The following NWD2 variants were observed in gnomAD, a reference collection of about 807,000 sequenced individuals.
The protein encoded by NWD2 is NACHT and WD repeat domain containing 2.
Under a neutral mutation model 132.7 loss-of-function variants are expected in NWD2, and 37 were observed. The ratio of observed to expected loss-of-function variants is 0.28; its 90% CI spans 0.21 to 0.37. The LOEUF is 0.37. Among genes scored for constraint, NWD2 ranks in the 10% least tolerant of loss-of-function variants. The pLI is 1.00. For missense variants in NWD2, 1,592 were observed against 2,122.4 expected, an observed-to-expected ratio of 0.75 and a Z score of 4.91; for synonymous variants, 705 against 803.0, an observed-to-expected ratio of 0.88 and a Z score of 2.06.
chr4:37,353,530 G>A (rs1719812390), intron 2 of NWD2, among the ~76,000 whole-genome samples: 1 of 152,036 alleles, frequency 6.6e-6, no homozygotes, highest in Admixed American at 6.6e-5. Context: ...TTTCTTGGAA[G>A]CTTTGTTTGT....
intron 1 of NWD2, among the ~76,000 whole-genome samples, chr4:37,323,909 G>A (rs551454456): frequency 6.7e-6 from 1 of 149,744 alleles, no homozygotes; most frequent in South Asian, 2.1e-4. Flanking sequence ...TGCAGCTAGA[G>A]GCCATAGGCC....
At chr4:37,357,083 T>C (rs756742177) in intron 3 of NWD2, among the ~76,000 whole-genome samples, 26 of 152,170 alleles carry the variant, frequency 1.7e-4, no homozygotes, top group Admixed American at 7.9e-4. Flanking sequence ...TCCTCTGTGT[T>C]AGCACGGTGG....
intron 1 of NWD2, among the ~76,000 whole-genome samples, chr4:37,280,025 TAG>T (rs1490102859): frequency 6.6e-6 from 1 of 152,188 alleles, no homozygotes; most frequent in Non-Finnish European, 1.5e-5. Context: ...CACTTGTTTT[TAG>T]AGTTTTCCCT....
intron 1 of NWD2, among the ~76,000 whole-genome samples, chr4:37,291,806 A>G (rs1013673485): frequency 1.3e-5 from 2 of 152,208 alleles, no homozygotes; most frequent in African/African-American, 4.8e-5. Flanking sequence ...ATATACATCC[A>G]CAAATATATG....
At chr4:37,276,006 A>T (rs781063361) in intron 1 of NWD2, among the ~76,000 whole-genome samples, 4 of 152,158 alleles carry the variant, frequency 2.6e-5, no homozygotes, top group Non-Finnish European at 5.9e-5. Context: ...CTAGAAGAAA[A>T]CATAGGCAAT....
chr4:37,439,142 A>C lies in NWD2; in HGVS notation c.1048A>C (p.Met350Leu). The change falls in exon 6 of 7, where the codon ATG becomes CTG. Residue 350 changes from methionine (M) to leucine (L), a missense_variant. Physicochemically the swap from Met to Leu is conservative, Grantham distance 15. Transcript: ENST00000309447. The surrounding 1 kb of genome is among the most constrained non-coding windows in gnomAD (Gnocchi z 4.5). ...ACTTGGTAAACAATTTTATGAGGAC[A>C]TGATTGATATAATTCAGGCAACGAT... ...EGLGKQFYED[M>L]IDIIQATIQQ... 6.4e-7 allele frequency: 1 copy of C among 1,551,458 alleles called. No individual in the cohort carries two copies. Among genetic ancestry groups the C allele is most frequent in the Non-Finnish European group, 8.7e-7 (1 of 1,146,804 alleles).
At chr4:37,291,856 T>A (rs1269073696) in intron 1 of NWD2, among the ~76,000 whole-genome samples, 1 of 152,192 alleles carries the variant, frequency 6.6e-6, no homozygotes, top group Non-Finnish European at 1.5e-5. Context: ...ACATTAAAAT[T>A]AAGGCACCAT....
rs1712574769 is a variant in NWD2, at chr4:37,444,427, GC to G, written c.2442del (p.Trp815GlyfsTer27). On this transcript the variant is annotated frameshift_variant, in exon 7 of 7. Transcript: ENST00000309447. LOFTEE classifies it high-confidence loss of function. The surrounding 1 kb of genome is among the most constrained non-coding windows in gnomAD (Gnocchi z 4.8). ...CCTTTGACAGGCAGGCTCCAGACCA[GC>G]CCTGGGTTTTCCAGTGTAATCCCCT... The part of the protein sequence containing the change: ...ASFDRQAPDQ[P>X]WVFQCNPLEP... 2 of 1,551,908 alleles carry G rather than the reference GC, an allele frequency of 1.3e-6. No homozygotes were observed. Among genetic ancestry groups the G allele is most frequent in the Non-Finnish European group, 1.7e-6 (2 of 1,147,088 alleles).
At chr4:37,412,728 A>C (rs12639919) in intron 3 of NWD2, among the ~76,000 whole-genome samples, 64,725 of 152,056 alleles carry the variant, frequency 0.43, 15,299 homozygotes, top group Non-Finnish European at 0.53. Flanking sequence ...TGACTTCAAA[A>C]TATACTACAA....
chr4:37,298,569 G>C (rs780139836), intron 1 of NWD2, among the ~76,000 whole-genome samples: 1 of 152,138 alleles, frequency 6.6e-6, no homozygotes, highest in Non-Finnish European at 1.5e-5. Flanking sequence ...GATGGGTAGG[G>C]TAGAGAGGTG....
At chr4:37,442,634 G>A (rs1024430646) in intron 6 of NWD2, among the ~76,000 whole-genome samples, 3 of 152,026 alleles carry the variant, frequency 2.0e-5, no homozygotes, top group South Asian at 2.1e-4. Context: ...GTTTAACAAA[G>A]CTCTTTTAAC....
In NWD2 at chr4:37,310,883, G is replaced by A. The variant is rs546018688; in HGVS notation, c.152-15053G>A. Among the ~76,000 whole-genome samples the A allele has an allele frequency of 1.3e-3, 189 of 147,562 alleles. 1 individual carries two copies. Among genetic ancestry groups the A allele is most frequent in the Non-Finnish European group, 2.4e-3 (159 of 67,556 alleles). ...CCACCTATGAGTGAGAACCTGCAGT[G>A]TTTGGTTTTTTGTCCTTGCTATAGT... On this transcript the variant is annotated intron_variant, in intron 1 of 6. Coordinates refer to ENST00000309447, the MANE Select transcript of NWD2 (RefSeq NM_001144990.2).
chr4:37,278,738 G>A (rs1378305681), intron 1 of NWD2, among the ~76,000 whole-genome samples: 2 of 152,124 alleles, frequency 1.3e-5, no homozygotes, highest in African/African-American at 4.8e-5. Context: ...CCAGGCCATA[G>A]CCAAAGAGAA....
intron 2 of NWD2, among the ~76,000 whole-genome samples, chr4:37,346,170 G>A (rs1343346563): frequency 6.6e-6 from 1 of 151,366 alleles, no homozygotes; most frequent in African/African-American, 2.4e-5. Flanking sequence ...TATGATCTCT[G>A]TTGAGTTAAT....
At chr4:37,392,898 T>A (rs1720707277) in intron 3 of NWD2, among the ~76,000 whole-genome samples, 1 of 152,216 alleles carries the variant, frequency 6.6e-6, no homozygotes, top group Non-Finnish European at 1.5e-5. Context: ...TTTTGGAGAA[T>A]TTCCAAGGAC....
chr4:37,411,265 G>A (rs1320437331), intron 3 of NWD2, among the ~76,000 whole-genome samples: 1 of 152,070 alleles, frequency 6.6e-6, no homozygotes, highest in Non-Finnish European at 1.5e-5. Context: ...AAAGAGAAAA[G>A]AATCAAATAG....
rs113779538 is a variant in NWD2, at chr4:37,328,304, G to A, written c.240+2280G>A. ...ATACGTGTGCAGAATATGCAGGTTT[G>A]TTACATAGGTATACATGTACCATGG... On this transcript the variant is annotated intron_variant, in intron 2 of 6. Coordinates refer to ENST00000309447, the MANE Select transcript of NWD2 (RefSeq NM_001144990.2). 5.7e-4 allele frequency among the ~76,000 whole-genome samples: 86 copies of A among 152,092 alleles called. 1 individual carries two copies. The highest frequency in any genetic ancestry group is 2.0e-3 in the African/African-American group (83 of 41,490).
intron 1 of NWD2, among the ~76,000 whole-genome samples, chr4:37,317,074 G>T (rs55833314): frequency 0.15 from 23,548 of 152,094 alleles, 2,341 homozygotes; most frequent in South Asian, 0.33. Context: ...TTTAATATTT[G>T]TCAATGATTT....
chr4:37,275,349 C>T (rs1717985559), intron 1 of NWD2, among the ~76,000 whole-genome samples: 1 of 151,950 alleles, frequency 6.6e-6, no homozygotes, highest in African/African-American at 2.4e-5. Context: ...GAATAAAATA[C>T]CTAGGAATCC....
Sources: allele counts gnomAD v4.1 joint callset (sites outside exome capture counted in the v4.1 genomes callset), GRCh38; gene constraint gnomAD v4.1.1; non-coding constraint Gnocchi (gnomAD v3.1); transcripts MANE v1.5; gene names NCBI Gene and HGNC (gene_info 2026-07-23, HGNC 2026-07-21).